Variants in WWOX observed in about 807,000 individuals in gnomAD.
The protein encoded by WWOX is WW domain containing oxidoreductase.
Under a neutral mutation model 46.2 loss-of-function variants are expected in WWOX, and 69 were observed. The observed-to-expected ratio is 1.49, with a 90% CI of 1.23 to 1.82. The LOEUF (loss-of-function observed/expected upper bound fraction) is 1.82. Among genes scored for constraint, WWOX ranks in the 40% most tolerant of loss-of-function variants. The probability of loss-of-function intolerance (pLI) is 0.00; values close to 1 mark genes in which losing one functional copy is unlikely to be tolerated. For missense variants in WWOX, 919 were observed against 542.6 expected (o/e 1.69, Z -6.89); for synonymous variants, 359 against 202.6 (o/e 1.77, Z -6.56).
chr16:78,924,095 A>G (rs1216896046), intron 8 of WWOX, among the ~76,000 whole-genome samples: 3 of 151,882 alleles, frequency 2.0e-5, no homozygotes, highest in African/African-American at 4.8e-5. Flanking sequence ...GGGATTACAG[A>G]CATGAGCCGC....
At chr16:78,260,616 C>T (rs890261873) in intron 5 of WWOX, among the ~76,000 whole-genome samples, 7 of 150,162 alleles carry the variant, frequency 4.7e-5, no homozygotes, top group African/African-American at 1.2e-4. Flanking sequence ...TGCAGTGAGC[C>T]GAGATTGCAC....
intron 8 of WWOX, among the ~76,000 whole-genome samples, chr16:78,464,467 G>C (rs1185060635): frequency 6.6e-6 from 1 of 152,114 alleles, no homozygotes; most frequent in Non-Finnish European, 1.5e-5. Context: ...CCAAGTGACT[G>C]AATACAAATC....
chr16:78,427,415 G>C (rs938670935), intron 7 of WWOX, among the ~76,000 whole-genome samples: 4 of 152,090 alleles, frequency 2.6e-5, no homozygotes, highest in African/African-American at 9.7e-5. Flanking sequence ...AAAAATTTCA[G>C]ATAACAATTA....
chr16:78,512,569 G>T (rs1000640062), intron 8 of WWOX, among the ~76,000 whole-genome samples: 1 of 152,196 alleles, frequency 6.6e-6, no homozygotes, highest in African/African-American at 2.4e-5. Context: ...CTCAAGTGGA[G>T]TGAGTTCATT....
chr16:78,433,230 T>C (rs2083264434), intron 8 of WWOX, among the ~76,000 whole-genome samples: 1 of 152,196 alleles, frequency 6.6e-6, no homozygotes. Context: ...ATGGGTATAA[T>C]CCTCTGTTGG....
intron 8 of WWOX, among the ~76,000 whole-genome samples, chr16:78,955,240 T>G (rs1029408848): frequency 2.0e-5 from 3 of 152,168 alleles, no homozygotes; most frequent in Non-Finnish European, 4.4e-5. Context: ...CAAATGATGT[T>G]CAGTGCATCT....
intron 8 of WWOX, among the ~76,000 whole-genome samples, chr16:78,716,484 C>T (rs150459881): frequency 0.011 from 1,599 of 152,242 alleles, 15 homozygotes; most frequent in South Asian, 0.042. Context: ...TGTTATTTGG[C>T]AGAGGAAGAT....
At chr16:78,731,591 T>G (rs901734942) in intron 8 of WWOX, among the ~76,000 whole-genome samples, 1 of 152,116 alleles carries the variant, frequency 6.6e-6, no homozygotes, top group African/African-American at 2.4e-5. Context: ...GCTTTTTCGG[T>G]TGTGAAGATC....
At chr16:79,089,770 A>G (rs964970516) in intron 8 of WWOX, among the ~76,000 whole-genome samples, 5 of 152,210 alleles carry the variant, frequency 3.3e-5, no homozygotes, top group South Asian at 2.1e-4. Context: ...AAAACTTCAT[A>G]GTGTTTGTTT....
At chr16:78,833,288 C>T (rs2051882821) in intron 8 of WWOX, among the ~76,000 whole-genome samples, 2 of 151,984 alleles carry the variant, frequency 1.3e-5, no homozygotes, top group Admixed American at 1.3e-4. Flanking sequence ...TTCAAGCAGT[C>T]CTCTCACCTC....
intron 8 of WWOX, among the ~76,000 whole-genome samples, chr16:78,952,677 C>G (rs184780183): frequency 1.3e-3 from 201 of 152,294 alleles, no homozygotes; most frequent in Middle Eastern, 0.01. Context: ...AGCCACCACA[C>G]CTGGCCTGTT....
At chr16:78,305,956 C>G (rs1478293107) in intron 5 of WWOX, among the ~76,000 whole-genome samples, 2 of 151,852 alleles carry the variant, frequency 1.3e-5, no homozygotes, top group Non-Finnish European at 2.9e-5. Context: ...AATTACTTTC[C>G]TTTGATTGGG....
chr16:78,221,876 T>G (rs1222141279), intron 5 of WWOX, among the ~76,000 whole-genome samples: 1 of 152,178 alleles, frequency 6.6e-6, no homozygotes, highest in Non-Finnish European at 1.5e-5. Context: ...AAGCAGACTT[T>G]GTTTGTTTGG....
At chr16:78,582,482 A>G (rs2151590521) in intron 8 of WWOX, among the ~76,000 whole-genome samples, 1 of 152,256 alleles carries the variant, frequency 6.6e-6, no homozygotes, top group South Asian at 2.1e-4. Context: ...GCTTGCCTAC[A>G]TTCTCTTTTG....
At chr16:78,916,678 C>T (rs2045259544) in intron 8 of WWOX, among the ~76,000 whole-genome samples, 1 of 152,292 alleles carries the variant, frequency 6.6e-6, no homozygotes, top group African/African-American at 2.4e-5. Context: ...CCATCCCAGG[C>T]ACAATATCTC....
intron 8 of WWOX, among the ~76,000 whole-genome samples, chr16:79,055,912 G>A (rs894719794): frequency 2.0e-5 from 3 of 152,192 alleles, no homozygotes; most frequent in African/African-American, 7.2e-5. Context: ...GGGATAAGAA[G>A]AGGGAAGGTC....
intron 8 of WWOX, among the ~76,000 whole-genome samples, chr16:78,479,813 A>G (rs1326416313): frequency 6.6e-6 from 1 of 152,200 alleles, no homozygotes; most frequent in Non-Finnish European, 1.5e-5. Context: ...GACCCAAACT[A>G]TGAATGAAAG....
chr16:78,863,843 C>G (rs1485742728), intron 8 of WWOX, among the ~76,000 whole-genome samples: 2 of 152,204 alleles, frequency 1.3e-5, no homozygotes, highest in Admixed American at 1.3e-4. Flanking sequence ...CCTATAAATG[C>G]TATTGTACAA....
chr16:78,410,805 C>CAAAAA (rs61207788), intron 6 of WWOX, among the ~76,000 whole-genome samples: 5 of 75,004 alleles, frequency 6.7e-5, no homozygotes, highest in African/African-American at 1.5e-4. Context: ...GGCCCCACCT[C>CAAAAA]AAAAAAAAAA....
Sources: gnomAD v4.1 joint callset for allele counts (sites outside exome capture counted in the v4.1 genomes callset) on GRCh38, gnomAD v4.1.1 for gene constraint, MANE v1.5 for transcripts, NCBI Gene and HGNC (gene_info 2026-07-23, HGNC 2026-07-21) for gene names.